Variants in RBFOX1 observed in about 807,000 individuals in gnomAD.
RBFOX1 encodes the protein RNA binding fox-1 homolog 1.
In RBFOX1, 8 loss-of-function variants were observed where a neutral mutation model predicts 57.7. The observed-to-expected ratio is 0.14, with a 90% CI of 0.08 to 0.25. The LOEUF is 0.25. RBFOX1 is among the 10% of genes least tolerant of loss of function. The probability of loss-of-function intolerance (pLI) is 1.00; values close to 1 mark genes in which losing one functional copy is unlikely to be tolerated. For missense variants in RBFOX1, 611 were observed against 548.5 expected, an observed-to-expected ratio of 1.11 and a Z score of -1.14; for synonymous variants, 326 against 222.4, an observed-to-expected ratio of 1.47 and a Z score of -4.15.
intron 3 of RBFOX1, among the ~76,000 whole-genome samples, chr16:5,718,592 G>C (rs987880555): frequency 6.6e-6 from 1 of 152,196 alleles, no homozygotes; most frequent in Non-Finnish European, 1.5e-5. Context: ...TAGATTTGAT[G>C]CTATTTACAA....
chr16:5,767,313 C>G (rs17138586), intron 3 of RBFOX1, among the ~76,000 whole-genome samples: 66,949 of 152,074 alleles, frequency 0.44, 15,142 homozygotes, highest in East Asian at 0.56. Context: ...AGGAAGGAAA[C>G]GTTTCTCTTG....
intron 2 of RBFOX1, among the ~76,000 whole-genome samples, chr16:6,598,903 G>A (rs958913662): frequency 9.2e-5 from 14 of 152,076 alleles, no homozygotes; most frequent in Non-Finnish European, 1.5e-4. Context: ...CTGAGATTGC[G>A]CCACTGCACT....
At chr16:7,299,177 C>G (rs2095970903) in intron 4 of RBFOX1, among the ~76,000 whole-genome samples, 1 of 152,110 alleles carries the variant, frequency 6.6e-6, no homozygotes. Flanking sequence ...TTCAGGTTAC[C>G]CATTTCTCCA....
chr16:6,135,883 C>T (rs2096663518), intron 1 of RBFOX1, among the ~76,000 whole-genome samples: 1 of 149,988 alleles, frequency 6.7e-6, no homozygotes, highest in African/African-American at 2.5e-5. Context: ...TACCCTCTGC[C>T]TCCCAGGCTC....
intron 1 of RBFOX1, among the ~76,000 whole-genome samples, chr16:5,279,943 G>C (rs571547789): frequency 2.0e-5 from 3 of 152,166 alleles, no homozygotes; most frequent in Non-Finnish European, 4.4e-5. Context: ...TATCTTGTCT[G>C]ATCACTCTGG....
intron 1 of RBFOX1, among the ~76,000 whole-genome samples, chr16:6,206,081 T>C (rs540376089): frequency 1.6e-4 from 24 of 152,194 alleles, no homozygotes; most frequent in South Asian, 6.2e-4. Flanking sequence ...TATTCAGAAA[T>C]TGATTTTAAA....
chr16:7,496,396 G>A (rs1478407157), intron 4 of RBFOX1, among the ~76,000 whole-genome samples: 2 of 152,168 alleles, frequency 1.3e-5, no homozygotes, highest in African/African-American at 4.8e-5. Context: ...ACCTGCCTTG[G>A]CCTCCCAAAG....
chr16:5,611,769 CCCATCCATCCAT>C (rs573710208), intron 3 of RBFOX1, among the ~76,000 whole-genome samples: 12 of 116,418 alleles, frequency 1.0e-4, no homozygotes, highest in Middle Eastern at 4.1e-3. Context: ...TTTTCAGTCT[CCCATCCATCCAT>C]CCATCCATCC....
rs569010545 is a variant in RBFOX1, at chr16:7,616,715, A to G, written c.676+9377A>G. 1.4e-3 allele frequency among the ~76,000 whole-genome samples: 218 copies of G among 152,260 alleles called. 1 individual carries two copies. Among genetic ancestry groups the G allele is most frequent in the Non-Finnish European group, 1.6e-3 (108 of 68,014 alleles). On this transcript the variant is annotated intron_variant, in intron 10 of 15. Transcript: ENST00000550418. ...CCCAGCTAACTTTTGTATTTTTAGT[A>G]GAGATGGGCTTTCATCACGTTAGCC... is the stretch of plus-strand genomic sequence containing the variant.
chr16:6,601,531 A>G (rs533074287), intron 2 of RBFOX1, among the ~76,000 whole-genome samples: 2 of 152,242 alleles, frequency 1.3e-5, no homozygotes, highest in South Asian at 4.1e-4. Context: ...CATTCTACTC[A>G]TAGTTTTGCA....
chr16:6,963,966 G>A (rs544757315), intron 3 of RBFOX1, among the ~76,000 whole-genome samples: 60 of 152,078 alleles, frequency 3.9e-4, no homozygotes, highest in African/African-American at 1.4e-3. Context: ...CCAAAGTGCT[G>A]GGATTACAGG....
chr16:6,815,483 G>A (rs898787362), intron 3 of RBFOX1, among the ~76,000 whole-genome samples: 1 of 152,142 alleles, frequency 6.6e-6, no homozygotes, highest in African/African-American at 2.4e-5. Flanking sequence ...ATTAAAAGAT[G>A]TTAAGGAGAT....
At chr16:5,399,886 G>A (rs1025306698) in intron 1 of RBFOX1, among the ~76,000 whole-genome samples, 2 of 151,904 alleles carry the variant, frequency 1.3e-5, no homozygotes, top group Non-Finnish European at 2.9e-5. Flanking sequence ...CAGCAATTTT[G>A]GTTTATCTTA....
At chr16:7,209,726 C>A (rs1391776688) in intron 4 of RBFOX1, among the ~76,000 whole-genome samples, 4 of 152,246 alleles carry the variant, frequency 2.6e-5, no homozygotes, top group South Asian at 2.1e-4. Context: ...CTGAGTGTAA[C>A]CTTTGTGGGG....
At chr16:7,180,055 T>G (rs561957494) in intron 4 of RBFOX1, among the ~76,000 whole-genome samples, 25 of 152,228 alleles carry the variant, frequency 1.6e-4, no homozygotes, top group African/African-American at 6.0e-4. Flanking sequence ...TCCTAGATAT[T>G]TTGAACAGAG....
chr16:6,922,299 G>C (rs1567893135), intron 3 of RBFOX1, among the ~76,000 whole-genome samples: 1 of 152,138 alleles, frequency 6.6e-6, no homozygotes, highest in East Asian at 1.9e-4. Context: ...ATATTGGAAA[G>C]CACTGGTTTT....
At chr16:6,584,216 T>G (rs1479528291) in intron 2 of RBFOX1, among the ~76,000 whole-genome samples, 1 of 151,790 alleles carries the variant, frequency 6.6e-6, no homozygotes, top group East Asian at 1.9e-4. Context: ...GTCTTGTAGA[T>G]GAAGTTTTAG....
chr16:7,334,415 C>G lies in RBFOX1; in HGVS notation c.28-183732C>G, dbSNP rs571268675. On this transcript the variant is annotated intron_variant, in intron 4 of 15. Transcript: ENST00000550418. The stretch of plus-strand genomic sequence containing the variant: ...GTGGCAACTTAGAAAGTTAACAGGC[C>G]TGTTGCTGCTACTGGAAACGTGGGG... 7.2e-5 allele frequency among the ~76,000 whole-genome samples: 11 copies of G among 152,216 alleles called. No homozygotes were observed. The South Asian group carries it at 2.3e-3, about 32-fold the overall frequency.
chr16:7,291,786 C>G (rs2095781124), intron 4 of RBFOX1, among the ~76,000 whole-genome samples: 3 of 151,378 alleles, frequency 2.0e-5, no homozygotes, highest in African/African-American at 7.3e-5. Context: ...TGTCTGTATT[C>G]TGCAAAGAGT....
Sources: allele counts gnomAD v4.1 joint callset (sites outside exome capture counted in the v4.1 genomes callset), GRCh38; gene constraint gnomAD v4.1.1; transcripts MANE v1.5; gene names NCBI Gene and HGNC (gene_info 2026-07-23, HGNC 2026-07-21).